The following ZMAT4 variants were observed in gnomAD, a reference collection of about 807,000 sequenced individuals.
ZMAT4 encodes zinc finger matrin-type 4.
ZMAT4 carries 17 observed loss-of-function variants against 28.7 expected under a neutral mutation model. The observed-to-expected ratio is 0.59, with a 90% CI of 0.41 to 0.89. The LOEUF (loss-of-function observed/expected upper bound fraction) is 0.89. Ranked by LOEUF, ZMAT4 falls within the 40% of genes least tolerant of loss-of-function variation. ZMAT4 has a pLI of 0.00. For missense variants in ZMAT4, 240 were observed against 283.8 expected, an observed-to-expected ratio of 0.85 and a Z score of 1.11; for synonymous variants, 117 against 109.2, an observed-to-expected ratio of 1.07 and a Z score of -0.44.
In ZMAT4 at chr8:40,767,719, A is replaced by G. The variant is rs1182326328; in HGVS notation, c.114T>C (p.His38=). ...TGTAATACAGTCGGACTTTGCTTGCATGTTTTCGACTCTGGGAAGGAAAAG... is the reference window on the plus strand; with the variant it reads ...TGTAATACAGTCGGACTTTGCTTGCGTGTTTTCGACTCTGGGAAGGAAAAG... The part of the protein sequence containing the change: ...QRVAHYESRK[H]ASKVRLYYML... Residue 38 remains histidine (H), a synonymous_variant, in exon 3 of 7, where the codon CAT becomes CAC. Coordinates refer to ENST00000297737, the MANE Select transcript of ZMAT4 (RefSeq NM_024645.3). 1 of 1,612,438 alleles carries G rather than the reference A, an allele frequency of 6.2e-7. No homozygotes were observed. Among genetic ancestry groups the G allele is most frequent in the Middle Eastern group, 1.7e-4 (1 of 6,050 alleles).
At chr8:40,669,203 A>G (rs1382436416) in intron 5 of ZMAT4, among the ~76,000 whole-genome samples, 3 of 152,152 alleles carry the variant, frequency 2.0e-5, no homozygotes, top group African/African-American at 7.2e-5. Flanking sequence ...ACGAGGAAGA[A>G]GACATTGAAG....
chr8:40,634,290 C>A (rs1806711236), intron 5 of ZMAT4, among the ~76,000 whole-genome samples: 1 of 152,114 alleles, frequency 6.6e-6, no homozygotes, highest in African/African-American at 2.4e-5. Context: ...TCCTGGTCCA[C>A]AAGTAGGTAG....
chr8:40,696,461 C>T (rs1031113042), intron 4 of ZMAT4, among the ~76,000 whole-genome samples: 1 of 152,186 alleles, frequency 6.6e-6, no homozygotes, highest in Non-Finnish European at 1.5e-5. Context: ...ACGCCCCCAA[C>T]TTCTCTGGAT....
chr8:40,794,718 C>G (rs574428122), intron 2 of ZMAT4, among the ~76,000 whole-genome samples: 2 of 152,284 alleles, frequency 1.3e-5, no homozygotes, highest in East Asian at 3.9e-4. Context: ...CCAGTGGACA[C>G]AGGTATTCCC....
intron 1 of ZMAT4, among the ~76,000 whole-genome samples, chr8:40,889,835 A>T (rs148658884): frequency 6.6e-6 from 1 of 152,234 alleles, no homozygotes; most frequent in African/African-American, 2.4e-5. Context: ...TATTTTGCAC[A>T]TCTCTAACTA....
intron 6 of ZMAT4, among the ~76,000 whole-genome samples, chr8:40,556,446 T>C (rs965573889): frequency 1.3e-5 from 2 of 152,184 alleles, no homozygotes; most frequent in Non-Finnish European, 2.9e-5. Context: ...GGGATTGTTT[T>C]ATACAACTGT....
chr8:40,573,487 T>C (rs530665113), intron 6 of ZMAT4, among the ~76,000 whole-genome samples: 2 of 152,280 alleles, frequency 1.3e-5, no homozygotes, highest in South Asian at 4.1e-4. Context: ...CTTTCTCTTT[T>C]AAAGTCACCA....
intron 6 of ZMAT4, among the ~76,000 whole-genome samples, chr8:40,558,850 G>C (rs952861964): frequency 3.3e-5 from 5 of 152,020 alleles, no homozygotes; most frequent in African/African-American, 1.2e-4. Flanking sequence ...ACGCCCTTTT[G>C]TGTTTTAGAC....
At chr8:40,796,875 A>G (rs1025256788) in intron 2 of ZMAT4, among the ~76,000 whole-genome samples, 1 of 151,982 alleles carries the variant, frequency 6.6e-6, no homozygotes, top group South Asian at 2.1e-4. Flanking sequence ...GTGCTCGGAG[A>G]TCTCATCTCC....
chr8:40,788,662 A>C (rs986471071), intron 2 of ZMAT4, among the ~76,000 whole-genome samples: 1 of 152,126 alleles, frequency 6.6e-6, no homozygotes, highest in Admixed American at 6.5e-5. Flanking sequence ...AACAAAAAAA[A>C]CACCAATTGT....
intron 5 of ZMAT4, among the ~76,000 whole-genome samples, chr8:40,607,416 C>A (rs926329181): frequency 2.0e-5 from 3 of 152,090 alleles, no homozygotes; most frequent in Admixed American, 2.0e-4. Flanking sequence ...AGGCATGAGC[C>A]ACGGTGCCTG....
chr8:40,638,333 T>C (rs972041954), intron 5 of ZMAT4, among the ~76,000 whole-genome samples: 1 of 152,206 alleles, frequency 6.6e-6, no homozygotes, highest in East Asian at 1.9e-4. Context: ...CCAAAATATA[T>C]GCAATTATGA....
chr8:40,767,874 T>C, intron 2 of ZMAT4, 144 bp from the exon 3 acceptor site: 1 of 621,750 alleles, frequency 1.6e-6, no homozygotes, highest in Non-Finnish European at 2.7e-6. Flanking sequence ...ATGTAGGATG[T>C]AGTTTCAGAT....
rs140810162 is a variant in ZMAT4 at position 40,684,569 on chromosome 8, C to T, written c.350-9638G>A. 1.8e-3 allele frequency among the ~76,000 whole-genome samples: 280 copies of T among 152,350 alleles called. 1 individual carries two copies. Among genetic ancestry groups the T allele is most frequent in the African/African-American group, 6.3e-3 (264 of 41,580 alleles). ...AATTCTACCAGTCTTCCCCAGACAC[C>T]TAATCCATACCCCGTGCTCAGGGTT... On this transcript the variant is annotated intron_variant, in intron 4 of 6. Transcript: ENST00000297737.
At chr8:40,644,977 G>A (rs1325351778) in intron 5 of ZMAT4, among the ~76,000 whole-genome samples, 2 of 152,078 alleles carry the variant, frequency 1.3e-5, no homozygotes, top group Admixed American at 1.3e-4. Context: ...AACAAGGAAA[G>A]CCTATGAAAC....
At chr8:40,752,271 G>C (rs940411943) in intron 3 of ZMAT4, among the ~76,000 whole-genome samples, 3 of 152,154 alleles carry the variant, frequency 2.0e-5, no homozygotes, top group Non-Finnish European at 4.4e-5. Context: ...GGTGCCTCTA[G>C]CCTGTGTCCC....
At chr8:40,816,480 C>A (rs1455921611) in intron 2 of ZMAT4, among the ~76,000 whole-genome samples, 1 of 151,936 alleles carries the variant, frequency 6.6e-6, no homozygotes, top group East Asian at 1.9e-4. Context: ...TATCCTTAAA[C>A]AAACAAACAA....
intron 5 of ZMAT4, among the ~76,000 whole-genome samples, chr8:40,649,626 T>C (rs1258355044): frequency 1.3e-5 from 2 of 151,988 alleles, no homozygotes; most frequent in Non-Finnish European, 2.9e-5. Flanking sequence ...ATATACATTT[T>C]TTTCAGCACC....
At chr8:40,597,835 T>C (rs952179600) in intron 5 of ZMAT4, among the ~76,000 whole-genome samples, 1 of 152,210 alleles carries the variant, frequency 6.6e-6, no homozygotes, top group Admixed American at 6.5e-5. Context: ...GCTTAATCTT[T>C]AGAGAAGTAT....
Sources: gnomAD v4.1 joint callset for allele counts (sites outside exome capture counted in the v4.1 genomes callset) on GRCh38, gnomAD v4.1.1 for gene constraint, MANE v1.5 for transcripts, NCBI Gene and HGNC (gene_info 2026-07-23, HGNC 2026-07-21) for gene names.